ACKR3: variants seen among roughly 807,000 people sequenced by gnomAD.
ACKR3 encodes the protein C-X-C chemokine receptor type 7.
In ACKR3, 6 loss-of-function variants were observed where a neutral mutation model predicts 22.4. That is an observed-to-expected ratio of 0.27 (90% CI 0.15 to 0.53). The LOEUF (loss-of-function observed/expected upper bound fraction) is 0.53. Ranked by LOEUF, ACKR3 falls within the 20% of genes least tolerant of loss-of-function variation. ACKR3 has a pLI of 0.96. For synonymous variants in ACKR3, 209 were observed against 205.2 expected, an observed-to-expected ratio of 1.02 and a Z score of -0.16; for missense variants, 396 against 475.2, an observed-to-expected ratio of 0.83 and a Z score of 1.55.
At chr2:236,551,632 C>G in the ACKR3 span, among the ~76,000 whole-genome samples, 3 of 152,232 alleles carry the variant, frequency 2.0e-5, no homozygotes, top group Non-Finnish European at 4.4e-5. Context: ...CCCCTTTCCC[C>G]CTCTGGTCTA....
At chr2:236,555,514 C>G in the ACKR3 span, among the ~76,000 whole-genome samples, 1 of 152,170 alleles carries the variant, frequency 6.6e-6, no homozygotes, top group Non-Finnish European at 1.5e-5. Flanking sequence ...AAAGAGAAGT[C>G]TATTTTCATA....
rs1258087690 is a variant in ACKR3 at position 236,580,576 on chromosome 2, G to T, written c.111G>T (p.Met37Ile). The T allele has an allele frequency of 6.2e-7, 1 of 1,613,526 alleles. No individual in the cohort carries two copies. The highest frequency in any genetic ancestry group is 1.7e-5 in the Admixed American group (1 of 59,994). ...TGGACACGGTGATGTGTCCCAACAT[G>T]CCCAACAAAAGCGTCCTGCTCTACA... is the stretch of plus-strand genomic sequence containing the variant. ...IVVDTVMCPN[M>I]PNKSVLLYTL... Residue 37 changes from methionine (M) to isoleucine (I), a missense_variant, in exon 2 of 2, where the codon ATG becomes ATT. Physicochemically the swap from Met to Ile is conservative, Grantham distance 10. Transcript: ENST00000272928.
chr2:236,558,623 A>C, the ACKR3 span, among the ~76,000 whole-genome samples: 2 of 152,210 alleles, frequency 1.3e-5, no homozygotes, highest in Non-Finnish European at 2.9e-5. Flanking sequence ...TGTGGGAAAT[A>C]CACACAAGTA....
chr2:236,542,886 G>A, the ACKR3 span, among the ~76,000 whole-genome samples: 1 of 85,628 alleles, frequency 1.2e-5, no homozygotes. Context: ...GGGTTAGGAA[G>A]GAGTGGTACA....
At chr2:236,541,417 A>G in the ACKR3 span, among the ~76,000 whole-genome samples, 1 of 152,294 alleles carries the variant, frequency 6.6e-6, no homozygotes, top group East Asian at 1.9e-4. Flanking sequence ...TCCCCTGTCC[A>G]AGAACTGGGA....
At chr2:236,575,609 GTGTGTGTGTGTGTCTGGGGTTGTGC>G (rs1553635210) in intron 1 of ACKR3, among the ~76,000 whole-genome samples, 1 of 92,726 alleles carries the variant, frequency 1.1e-5, no homozygotes, top group African/African-American at 7.3e-5. Context: ...GTTGTGCTCT[GTGTGTGTGTGTGTCTGGGGTTGTGC>G]TGTGTGTGCG....
At position 236,574,768 on chromosome 2, in the gene ACKR3, G is replaced by A. The variant is rs1691373077; in HGVS notation, c.-27+4844G>A. 1.3e-5 allele frequency among the ~76,000 whole-genome samples: 2 copies of A among 152,168 alleles called. No homozygotes were observed. Among genetic ancestry groups the A allele is most frequent in the Non-Finnish European group, 1.5e-5 (1 of 68,026 alleles). On this transcript the variant is annotated intron_variant, in intron 1 of 1. Transcript: ENST00000272928. The surrounding 1 kb of genome is among the most constrained non-coding windows in gnomAD (Gnocchi z 5.6). ...TACCCCAGGCTGCTTGCTGCAGCAC[G>A]GTCGTTGTCAAGGATACTTGGTTGA... is the stretch of plus-strand genomic sequence containing the variant.
upstream of ACKR3, chr2:236,567,865 GC>G (rs1691219466): frequency 6.5e-6 from 1 of 153,316 alleles, no homozygotes; most frequent in Admixed American, 6.5e-5. Context: ...AAGTCTGGGC[GC>G]GGGGAAGGGC....
chr2:236,566,213 C>T (rs1168420761), upstream of ACKR3, among the ~76,000 whole-genome samples: 2 of 152,314 alleles, frequency 1.3e-5, no homozygotes, highest in Non-Finnish European at 2.9e-5. Context: ...CCCTGTGGGG[C>T]GTGCAACCCC....
intron 1 of ACKR3, among the ~76,000 whole-genome samples, chr2:236,573,605 G>T (rs890875233): frequency 6.6e-6 from 1 of 152,250 alleles, no homozygotes; most frequent in Non-Finnish European, 1.5e-5. Flanking sequence ...GGCCCAGATG[G>T]CCAGAGGGTC....
chr2:236,541,334 C>A, the ACKR3 span, among the ~76,000 whole-genome samples: 2 of 152,076 alleles, frequency 1.3e-5, no homozygotes, highest in African/African-American at 2.4e-5. Flanking sequence ...TTTTAAATAC[C>A]AAAGAACGTG....
the ACKR3 span, among the ~76,000 whole-genome samples, chr2:236,546,650 G>C: frequency 6.6e-6 from 1 of 152,170 alleles, no homozygotes; most frequent in African/African-American, 2.4e-5. This position sits in a 1 kb window ranked among gnomAD's most constrained non-coding sequence, Gnocchi z 4.9. Flanking sequence ...TGGAGAACCT[G>C]GGCAGCAGAG....
intron 1 of ACKR3, among the ~76,000 whole-genome samples, chr2:236,580,213 T>C (rs779286551): frequency 1.3e-5 from 2 of 152,276 alleles, no homozygotes; most frequent in Non-Finnish European, 2.9e-5. Flanking sequence ...ACACAGTTTC[T>C]GTCTTGGAGC....
At position 236,581,029 on chromosome 2, in the gene ACKR3, T is replaced by C. The variant is rs1193660818; in HGVS notation, c.564T>C (p.Ser188=). 1.9e-6 allele frequency: 3 copies of C among 1,614,206 alleles called. No homozygotes were observed. The highest frequency in any genetic ancestry group is 1.7e-6 in the Non-Finnish European group (2 of 1,180,048). ...CCTACTACCTGAAGACCGTCACGTC[T>C]GCGTCCAACAATGAGACCTACTGCC... The part of the protein sequence containing the change: ...PDTYYLKTVT[S]ASNNETYCRS... Residue 188 remains serine (S), a synonymous_variant, in exon 2 of 2, where the codon TCT becomes TCC. Coordinates refer to ENST00000272928, the MANE Select transcript of ACKR3 (RefSeq NM_020311.3). The surrounding 1 kb of genome is among the most constrained non-coding windows in gnomAD (Gnocchi z 4.4).
At chr2:236,539,941 C>A in the ACKR3 span, among the ~76,000 whole-genome samples, 1 of 152,158 alleles carries the variant, frequency 6.6e-6, no homozygotes, top group Non-Finnish European at 1.5e-5. Flanking sequence ...TTATTCACTA[C>A]CATGAGAACA....
In ACKR3 at chr2:236,575,423, TGTGTGTCTGGGGTTGTGCTGTGTGTGC is replaced by T. The variant is rs1574975098; in HGVS notation, c.-26-4963_-26-4937del. Among the ~76,000 whole-genome samples the T allele has an allele frequency of 8.8e-5, 13 of 148,562 alleles. 1 individual carries two copies. The highest frequency in any genetic ancestry group is 6.6e-4 in the South Asian group (3 of 4,566). On this transcript the variant is annotated intron_variant, in intron 1 of 1. Transcript: ENST00000272928. ...TGTCTGGGGTTGTGCTGTGTGTGTG[TGTGTGTCTGGGGTTGTGCTGTGTGTGC>T]GTGTGTCTGGGGTTGTGCTGTGTGT... is the stretch of plus-strand genomic sequence containing the variant.
rs1164433429 is a variant in ACKR3, at chr2:236,574,550, A to G, written c.-27+4626A>G. 6.6e-6 allele frequency among the ~76,000 whole-genome samples: 1 copy of G among 152,040 alleles called. No individual in the cohort carries two copies. Among genetic ancestry groups the G allele is most frequent in the Non-Finnish European group, 1.5e-5 (1 of 68,000 alleles). ...GTGGTTGGAGACTGCAAACATGTGG[A>G]AGGGAGTTTGGAGGGACACTGGCCA... On this transcript the variant is annotated intron_variant, in intron 1 of 1. Coordinates refer to ENST00000272928, the MANE Select transcript of ACKR3 (RefSeq NM_020311.3). This position sits in a 1 kb window ranked among gnomAD's most constrained non-coding sequence, Gnocchi z 5.6.
chr2:236,545,176 G>A, the ACKR3 span, among the ~76,000 whole-genome samples: 5 of 152,192 alleles, frequency 3.3e-5, no homozygotes, highest in African/African-American at 9.7e-5. This position sits in a 1 kb window ranked among gnomAD's most constrained non-coding sequence, Gnocchi z 5.3. Flanking sequence ...ATCTTTAGAA[G>A]CTTCCATGTG....
At chr2:236,551,340 G>A in the ACKR3 span, among the ~76,000 whole-genome samples, 1 of 152,220 alleles carries the variant, frequency 6.6e-6, no homozygotes. Flanking sequence ...CTGGTGGCTT[G>A]GAGCTGGAGG....
Sources: allele counts gnomAD v4.1 joint callset (sites outside exome capture counted in the v4.1 genomes callset), GRCh38; gene constraint gnomAD v4.1.1; non-coding constraint Gnocchi (gnomAD v3.1); transcripts MANE v1.5; gene names NCBI Gene and HGNC (gene_info 2026-07-23, HGNC 2026-07-21).